The following BTBD10 variants were observed in gnomAD, a reference collection of about 807,000 sequenced individuals.
The protein encoded by BTBD10 is BTB domain containing 10.
Under a neutral mutation model 53.2 loss-of-function variants are expected in BTBD10, and 21 were observed. The ratio of observed to expected loss-of-function variants is 0.39; its 90% CI spans 0.28 to 0.57. The LOEUF (loss-of-function observed/expected upper bound fraction) is 0.57. BTBD10 is among the 20% of genes least tolerant of loss of function. The pLI is 0.53. For missense variants in BTBD10, 360 were observed against 594.7 expected (o/e 0.61, Z 4.10); for synonymous variants, 149 against 192.7 (o/e 0.77, Z 1.88).
Position 13,421,624 on chromosome 11 carries a change from T to C in BTBD10, c.298+18A>G. On this transcript the variant is annotated intron_variant, in intron 3 of 8. Coordinates refer to ENST00000278174, the MANE Select transcript of BTBD10 (RefSeq NM_032320.7). ...ATGTTTTTAAGAACTGTTAGGAAGG[T>C]TAGTTGATTTTACATACCAACATGG... The C allele has an allele frequency of 6.3e-7, 1 of 1,597,736 alleles. No individual in the cohort carries two copies. The highest frequency in any genetic ancestry group is 8.6e-7 in the Non-Finnish European group (1 of 1,169,230).
At chr11:13,442,787 C>T (rs926849885) in intron 2 of BTBD10, among the ~76,000 whole-genome samples, 2 of 152,100 alleles carry the variant, frequency 1.3e-5, no homozygotes, top group African/African-American at 2.4e-5. Flanking sequence ...TTAATACTTG[C>T]TATTACTTTT....
At chr11:13,421,365 C>T (rs895686) in intron 3 of BTBD10, among the ~76,000 whole-genome samples, 139,707 of 152,250 alleles carry the variant, frequency 0.92, 65,000 homozygotes, top group East Asian at 0.99. Context: ...AAAATTAAAT[C>T]GAAAACTTTG....
At chr11:13,438,774 T>C (rs1950592749) in intron 2 of BTBD10, among the ~76,000 whole-genome samples, 1 of 152,026 alleles carries the variant, frequency 6.6e-6, no homozygotes. Flanking sequence ...CTAATGAGTA[T>C]GTACCATTTT....
intron 2 of BTBD10, among the ~76,000 whole-genome samples, chr11:13,429,607 A>G (rs534555591): frequency 2.0e-5 from 3 of 152,088 alleles, no homozygotes; most frequent in Non-Finnish European, 4.4e-5. Flanking sequence ...CACTTTCAGC[A>G]ATTCTAGAGA....
chr11:13,457,380 G>A (rs998520442), intron 1 of BTBD10, among the ~76,000 whole-genome samples: 1 of 152,068 alleles, frequency 6.6e-6, no homozygotes, highest in African/African-American at 2.4e-5. Flanking sequence ...ATCGGAATGT[G>A]CATCAAAAGG....
At chr11:13,438,232 T>C (rs764413343) in intron 2 of BTBD10, among the ~76,000 whole-genome samples, 9 of 152,106 alleles carry the variant, frequency 5.9e-5, no homozygotes, top group Non-Finnish European at 1.0e-4. Flanking sequence ...TCCTGATTTT[T>C]TGTTTATTTT....
intron 8 of BTBD10, among the ~76,000 whole-genome samples, chr11:13,402,766 T>C (rs550023844): frequency 3.4e-4 from 52 of 152,166 alleles, no homozygotes; most frequent in Non-Finnish European, 6.5e-4. Context: ...TAGTGCTGCT[T>C]TTACATGAAT....
intron 1 of BTBD10, among the ~76,000 whole-genome samples, chr11:13,451,902 T>C (rs1434339374): frequency 6.6e-6 from 1 of 151,944 alleles, no homozygotes; most frequent in Non-Finnish European, 1.5e-5. Context: ...GGCATCTCAG[T>C]AGAGAGGTGC....
intron 2 of BTBD10, among the ~76,000 whole-genome samples, chr11:13,434,475 T>A (rs974337366): frequency 3.3e-5 from 5 of 152,168 alleles, no homozygotes; most frequent in Non-Finnish European, 5.9e-5. Flanking sequence ...TTTCAAGACA[T>A]TCAAGAAGCC....
At chr11:13,450,992 C>G (rs922767822) in intron 1 of BTBD10, among the ~76,000 whole-genome samples, 11 of 152,094 alleles carry the variant, frequency 7.2e-5, no homozygotes, top group Non-Finnish European at 1.6e-4. Flanking sequence ...CCATCCCTCA[C>G]AAATATGGTG....
intron 1 of BTBD10, among the ~76,000 whole-genome samples, chr11:13,456,316 A>G (rs1317162027): frequency 6.6e-6 from 1 of 152,232 alleles, no homozygotes; most frequent in Non-Finnish European, 1.5e-5. Flanking sequence ...ATGAAGTGAT[A>G]GCTCAAGTCA....
chr11:13,388,974 C>T lies in BTBD10; in HGVS notation c.1285G>A (p.Ala429Thr), dbSNP rs1286932504. Residue 429 changes from alanine to threonine, a missense_variant, in exon 9 of 9, where the codon GCA (alanine) becomes ACA (threonine). Physicochemically the swap from Ala to Thr is moderately conservative, Grantham distance 58. This residue lies in a region of BTBD10 where 52 missense variants were observed against 180.4 expected (regional missense o/e 0.29). Coordinates refer to ENST00000278174, the MANE Select transcript of BTBD10 (RefSeq NM_032320.7). ...TGGGGAATGTCTGCTGCAGCTGCTG[C>T]AAGATTGGTGATAGATTTACTCTTT... The part of the protein sequence containing the change: ...CVKSKSITNL[A>T]AAAADIPQDQ... 1 of 1,614,178 alleles carries T rather than the reference C, an allele frequency of 6.2e-7. No homozygotes were observed. The highest frequency in any genetic ancestry group is 2.2e-5 in the East Asian group (1 of 44,888).
At chr11:13,411,830 A>T (rs1215861831) in intron 6 of BTBD10, among the ~76,000 whole-genome samples, 1 of 151,966 alleles carries the variant, frequency 6.6e-6, no homozygotes, top group African/African-American at 2.4e-5. Context: ...GTTTCAACTA[A>T]AACTTTTTTT....
At chr11:13,438,130 G>T (rs1950576502) in intron 2 of BTBD10, among the ~76,000 whole-genome samples, 1 of 151,866 alleles carries the variant, frequency 6.6e-6, no homozygotes, top group Non-Finnish European at 1.5e-5. Flanking sequence ...TACTTTCCTT[G>T]ATTATTATTC....
chr11:13,430,851 G>A (rs1950433701), intron 2 of BTBD10, among the ~76,000 whole-genome samples: 1 of 151,950 alleles, frequency 6.6e-6, no homozygotes, highest in Non-Finnish European at 1.5e-5. Flanking sequence ...AAACATATTG[G>A]TGGTTTCACA....
Position 13,430,574 on chromosome 11 carries a change from A to C in BTBD10, c.102-8736T>G, listed in dbSNP as rs1220237355. 2.0e-5 allele frequency among the ~76,000 whole-genome samples: 3 copies of C among 152,218 alleles called. No individual in the cohort carries two copies. The East Asian group carries it at 5.8e-4, about 29-fold the overall frequency. ...TTATCCATAAAAAAAATTTGTAAAC[A>C]AACATTCTTAGCAGCTTTATTTGTA... On this transcript the variant is annotated intron_variant, in intron 2 of 8. Transcript: ENST00000278174.
chr11:13,406,247 A>C (rs545743933), intron 6 of BTBD10, among the ~76,000 whole-genome samples: 2 of 152,272 alleles, frequency 1.3e-5, no homozygotes, highest in South Asian at 4.1e-4. Flanking sequence ...GAAAAGGGTC[A>C]ATAGTCTTTA....
chr11:13,440,350 A>G, intron 2 of BTBD10: 2 of 1,053,488 alleles, frequency 1.9e-6, no homozygotes, highest in Non-Finnish European at 2.3e-6. Flanking sequence ...CAGGCATAAC[A>G]AAACGCAGGA....
intron 8 of BTBD10, among the ~76,000 whole-genome samples, chr11:13,393,234 G>A (rs1215121694): frequency 6.6e-6 from 1 of 152,260 alleles, no homozygotes; most frequent in African/African-American, 2.4e-5. Context: ...ATATGAATAT[G>A]GGACCACAGA....
Sources: allele counts gnomAD v4.1 joint callset (sites outside exome capture counted in the v4.1 genomes callset), GRCh38; gene constraint gnomAD v4.1.1; regional missense constraint gnomAD v4.1.1; transcripts MANE v1.5; gene names NCBI Gene and HGNC (gene_info 2026-07-23, HGNC 2026-07-21).